The following CDC42BPB variants were observed in gnomAD, a reference collection of about 807,000 sequenced individuals.
CDC42BPB encodes serine/threonine-protein kinase MRCK beta.
In CDC42BPB, 37 loss-of-function variants were observed where a neutral mutation model predicts 214.9. The ratio of observed to expected loss-of-function variants is 0.17; its 90% CI spans 0.13 to 0.23. The LOEUF (loss-of-function observed/expected upper bound fraction) is 0.23, where lower values mean the gene tolerates loss of function less well. Ranked by LOEUF, CDC42BPB falls within the 10% of genes least tolerant of loss-of-function variation. CDC42BPB has a pLI of 1.00. For synonymous variants in CDC42BPB, 931 were observed against 884.0 expected, an observed-to-expected ratio of 1.05 and a Z score of -0.94; for missense variants, 1,694 against 2,227.0, an observed-to-expected ratio of 0.76 and a Z score of 4.82.
At chr14:103,041,873 G>T in intron 1 of CDC42BPB, 1 of 421,802 alleles carries the variant, frequency 2.4e-6, no homozygotes. Flanking sequence ...ACCAGGAAGG[G>T]AGACAGTTCT....
At chr14:102,999,989 G>C (rs540347611) in intron 4 of CDC42BPB, 2 of 823,262 alleles carry the variant, frequency 2.4e-6, no homozygotes, top group African/African-American at 3.7e-5. Flanking sequence ...TGAGGTTGGA[G>C]AGGGCACTCT....
rs368149494 is a variant in CDC42BPB at position 102,959,062 on chromosome 14, C to A, written c.2901+569G>T. 3.3e-4 allele frequency among the ~76,000 whole-genome samples: 50 copies of A among 151,900 alleles called. 6 individuals carry two copies. Among genetic ancestry groups the A allele is most frequent in the Admixed American group, 2.0e-3 (31 of 15,274 alleles). ...CTGTAATCCCAGCACTCTGGGAGGCCAAGGTGGGTGGATCACCTGAGGTCA... is the reference window on the plus strand; with the variant it reads ...CTGTAATCCCAGCACTCTGGGAGGCAAAGGTGGGTGGATCACCTGAGGTCA... On this transcript the variant is annotated intron_variant, in intron 21 of 36. Coordinates refer to ENST00000361246, the MANE Select transcript of CDC42BPB (RefSeq NM_006035.4).
At chr14:102,945,908 C>G (rs1319642838) in intron 28 of CDC42BPB, among the ~76,000 whole-genome samples, 184 bp from the exon 29 acceptor site, 1 of 152,220 alleles carries the variant, frequency 6.6e-6, no homozygotes, top group Admixed American at 6.5e-5. Flanking sequence ...CTCCACAGGG[C>G]CGGCTGACTG....
chr14:102,963,202 C>T (rs775899712), intron 19 of CDC42BPB, 47 bp from the exon 20 acceptor site: 2 of 1,565,386 alleles, frequency 1.3e-6, no homozygotes, highest in Non-Finnish European at 8.7e-7. Flanking sequence ...AAGAGGTTGT[C>T]TGTGAGCTGG....
intron 21 of CDC42BPB, among the ~76,000 whole-genome samples, chr14:102,959,095 G>A (rs1035065084): frequency 4.5e-4 from 68 of 151,886 alleles, no homozygotes; most frequent in African/African-American, 1.6e-3. Flanking sequence ...TCAGGAGTTC[G>A]AGACCAGCCT....
At chr14:102,935,580 A>G (rs1041089060) in intron 36 of CDC42BPB, among the ~76,000 whole-genome samples, 1 of 152,140 alleles carries the variant, frequency 6.6e-6, no homozygotes, top group Admixed American at 6.5e-5. Context: ...ACTTGAGGTC[A>G]GGAGTTTGAG....
chr14:103,004,056 C>G lies in CDC42BPB; in HGVS notation c.352-33G>C. ...GCAACGAGGGGTGTCAGTCTGTGTTCACTGGGAAGCAGGCCAGAGAGCGTA... is the reference window on the plus strand; with the variant it reads ...GCAACGAGGGGTGTCAGTCTGTGTTGACTGGGAAGCAGGCCAGAGAGCGTA... On this transcript the variant is annotated intron_variant, in intron 3 of 36. Coordinates refer to ENST00000361246, the MANE Select transcript of CDC42BPB (RefSeq NM_006035.4). The surrounding 1 kb of genome is among the most constrained non-coding windows in gnomAD (Gnocchi z 5.3). The G allele has an allele frequency of 6.4e-7, 1 of 1,562,004 alleles. No individual in the cohort carries two copies. Among genetic ancestry groups the G allele is most frequent in the Non-Finnish European group, 8.6e-7 (1 of 1,156,654 alleles).
At position 103,057,491 on chromosome 14, in the gene CDC42BPB, C is replaced by A; in HGVS notation, c.-318G>T. Reference sequence around the variant, plus strand: ...GCCGCGCCCTCCCCGCCGCCGCCGCCGCAGACTAGGAGCGGCGAGGAGCCT... The same window carrying A: ...GCCGCGCCCTCCCCGCCGCCGCCGCAGCAGACTAGGAGCGGCGAGGAGCCT... On this transcript the variant is annotated 5_prime_UTR_variant, in exon 1 of 37. Transcript: ENST00000361246. 1 of 185,244 alleles carries A rather than the reference C, an allele frequency of 5.4e-6. No homozygotes were observed. The highest frequency in any genetic ancestry group is 9.9e-6 in the Non-Finnish European group (1 of 100,704). The allele number at this position is 185,244 out of a possible 1,614,324, so 11.5% of individuals were successfully genotyped here.
In CDC42BPB at chr14:103,003,800, G is replaced by A. The variant is rs183149413; in HGVS notation, c.447+128C>T. On this transcript the variant is annotated intron_variant, in intron 4 of 36. Transcript: ENST00000361246. The stretch of plus-strand genomic sequence containing the variant: ...TTACTGCATGAAAACAAGCCCCGCC[G>A]TTTTATCGAGTCCAATACACATTTT... 1.1e-4 allele frequency: 71 copies of A among 622,520 alleles called. 1 individual carries two copies. The highest frequency in any genetic ancestry group is 7.7e-4 in the African/African-American group (42 of 54,256). The allele number at this position is 622,520 out of a possible 1,614,324, so 38.6% of individuals were successfully genotyped here. A position where few individuals can be genotyped will look rare whatever the true frequency, so the allele number is the denominator to read the frequency against.
chr14:102,957,510 G>C (rs1442687479), intron 21 of CDC42BPB, among the ~76,000 whole-genome samples: 2 of 152,202 alleles, frequency 1.3e-5, no homozygotes. Context: ...GCAGCAACGA[G>C]AGAGGCAATG....
chr14:102,997,492 C>T (rs1894794923), intron 5 of CDC42BPB, among the ~76,000 whole-genome samples: 3 of 152,162 alleles, frequency 2.0e-5, no homozygotes, highest in Admixed American at 2.0e-4. Flanking sequence ...GAGGGGATCT[C>T]TGCACTTGAA....
chr14:102,967,043 T>C lies in CDC42BPB; in HGVS notation c.2471+3A>G. 6.2e-7 allele frequency: 1 copy of C among 1,613,722 alleles called. No individual in the cohort carries two copies. The highest frequency in any genetic ancestry group is 8.5e-7 in the Non-Finnish European group (1 of 1,179,996). ...ACGGCCGCTAATGGGGCCGCGCACG[T>C]ACCACTGAATGATTTCCGCAATCTG... On this transcript the variant is annotated splice_donor_region_variant and intron_variant, in intron 17 of 36. Coordinates refer to ENST00000361246, the MANE Select transcript of CDC42BPB (RefSeq NM_006035.4).
intron 8 of CDC42BPB, among the ~76,000 whole-genome samples, chr14:102,980,088 G>T (rs1893930970): frequency 6.6e-6 from 1 of 152,186 alleles, no homozygotes; most frequent in Non-Finnish European, 1.5e-5. Context: ...CACTGCCTAT[G>T]GGACTGTAGG....
At chr14:103,013,333 A>G (rs945492167) in intron 1 of CDC42BPB, among the ~76,000 whole-genome samples, 4 of 152,174 alleles carry the variant, frequency 2.6e-5, no homozygotes, top group African/African-American at 9.7e-5. Context: ...CTGTAACAGT[A>G]ATGTCCACCA....
intron 1 of CDC42BPB, among the ~76,000 whole-genome samples, chr14:103,055,496 G>A (rs764952958): frequency 9.2e-5 from 14 of 152,188 alleles, no homozygotes; most frequent in Admixed American, 7.9e-4. Context: ...TCAAAGCAAC[G>A]GTGAAGTCAA....
At chr14:102,971,618 C>T (rs927773727) in intron 13 of CDC42BPB, among the ~76,000 whole-genome samples, 1 of 152,240 alleles carries the variant, frequency 6.6e-6, no homozygotes, top group Non-Finnish European at 1.5e-5. Flanking sequence ...CTGCCACCTG[C>T]CCTGTGTGGA....
chr14:103,047,279 CAA>C (rs397852207), intron 1 of CDC42BPB, among the ~76,000 whole-genome samples: 160 of 93,420 alleles, frequency 1.7e-3, no homozygotes, highest in South Asian at 3.8e-3. Flanking sequence ...GTAATACTCT[CAA>C]AAAAAAAAAA....
intron 1 of CDC42BPB, among the ~76,000 whole-genome samples, chr14:103,053,240 C>A (rs373888642): frequency 2.6e-5 from 4 of 151,604 alleles, no homozygotes; most frequent in Admixed American, 6.6e-5. Context: ...CCCAGCTACT[C>A]GGGAGACTGA....
chr14:103,036,318 A>G (rs951030926), intron 1 of CDC42BPB, among the ~76,000 whole-genome samples: 5 of 151,730 alleles, frequency 3.3e-5, no homozygotes, highest in Non-Finnish European at 7.4e-5. Context: ...ACGCCCGGCT[A>G]ATTTTTTTTT....
Sources: gnomAD v4.1 joint callset for allele counts (sites outside exome capture counted in the v4.1 genomes callset) on GRCh38, gnomAD v4.1.1 for gene constraint, Gnocchi (gnomAD v3.1) non-coding constraint, MANE v1.5 for transcripts, NCBI Gene and HGNC (gene_info 2026-07-23, HGNC 2026-07-21) for gene names.